The following DVL1 variants were observed in gnomAD, a reference collection of about 807,000 sequenced individuals.
DVL1 encodes segment polarity protein dishevelled homolog DVL-1.
A neutral mutation model predicts 65.0 loss-of-function variants in DVL1; 49 were observed. The observed-to-expected ratio is 0.75, with a 90% CI of 0.60 to 0.96. The LOEUF is 0.96. Ranked by LOEUF, DVL1 falls within the 40% of genes least tolerant of loss-of-function variation. The pLI is 0.00. For synonymous variants in DVL1, 608 were observed against 433.9 expected (o/e 1.40, Z -4.99); for missense variants, 1,197 against 1,045.4 (o/e 1.15, Z -2.00).
In DVL1 at chr1:1,335,944, G is replaced by T; in HGVS notation, c.*198C>A. On this transcript the variant is annotated 3_prime_UTR_variant, in exon 15 of 15. Coordinates refer to ENST00000378888, the MANE Select transcript of DVL1 (RefSeq NM_001330311.2). ...TCTCGCTGAGGGGCAGAGAGGGAGCGCCCCCAACACGGCTGCTCAGACACA... is the reference window on the plus strand; with the variant it reads ...TCTCGCTGAGGGGCAGAGAGGGAGCTCCCCCAACACGGCTGCTCAGACACA... 1.5e-6 allele frequency: 1 copy of T among 673,158 alleles called. No homozygotes were observed. The highest frequency in any genetic ancestry group is 2.5e-6 in the Non-Finnish European group (1 of 405,710). 41.7% of individuals were successfully genotyped at this position (673,158 alleles called of 1,614,324 possible). A position where few individuals can be genotyped will look rare whatever the true frequency, so the allele number is the denominator to read the frequency against.
intron 5 of DVL1, 61 bp from the exon 6 acceptor site, chr1:1,340,564 G>C: frequency 2.0e-6 from 3 of 1,511,870 alleles, no homozygotes; most frequent in South Asian, 2.4e-5. Flanking sequence ...GTGGGAACCC[G>C]CTCCCCCAAT....
At chr1:1,347,738 CA>C (rs1016334197) in intron 1 of DVL1, among the ~76,000 whole-genome samples, 3 of 152,220 alleles carry the variant, frequency 2.0e-5, no homozygotes, top group Admixed American at 1.3e-4. Flanking sequence ...ACTCAGAAAA[CA>C]AACCGCCCCC....
intron 1 of DVL1, among the ~76,000 whole-genome samples, chr1:1,343,653 T>C (rs1643879130): frequency 1.3e-5 from 2 of 152,114 alleles, no homozygotes; most frequent in African/African-American, 4.8e-5. Flanking sequence ...GGGCTTTGCC[T>C]GACCCCTGCC....
At position 1,335,939 on chromosome 1, in the gene DVL1, G is replaced by A. The variant is rs1340419817; in HGVS notation, c.*203C>T. On this transcript the variant is annotated 3_prime_UTR_variant, in exon 15 of 15. Transcript: ENST00000378888. ...GAGGCTCTCGCTGAGGGGCAGAGAG[G>A]GAGCGCCCCCAACACGGCTGCTCAG... 6.1e-6 allele frequency: 4 copies of A among 659,674 alleles called. No individual in the cohort carries two copies. Among genetic ancestry groups the A allele is most frequent in the African/African-American group, 5.5e-5 (3 of 54,504 alleles). The allele number at this position is 659,674 out of a possible 1,614,324, so 40.9% of individuals were successfully genotyped here.
chr1:1,341,306 GCA>G (rs1231330249), intron 5 of DVL1, among the ~76,000 whole-genome samples: 2 of 151,772 alleles, frequency 1.3e-5, no homozygotes, highest in Non-Finnish European at 2.9e-5. Flanking sequence ...ACACATACAT[GCA>G]CACACAGACA....
At chr1:1,344,232 A>C (rs1643886507) in intron 1 of DVL1, among the ~76,000 whole-genome samples, 1 of 152,180 alleles carries the variant, frequency 6.6e-6, no homozygotes, top group Non-Finnish European at 1.5e-5. Context: ...ACTTGGGCCC[A>C]GTGGAGAAAT....
chr1:1,341,865 G>A lies in DVL1; in HGVS notation c.467-60C>T, dbSNP rs187044992. On this transcript the variant is annotated intron_variant, in intron 4 of 14. Coordinates refer to ENST00000378888, the MANE Select transcript of DVL1 (RefSeq NM_001330311.2). ...GTCTCCCAGAGGTCATGGGTTTGGG[G>A]CTGCCTGGGCAGTGCTGCATGCCTG... 12 of 1,505,480 alleles carry A rather than the reference G, an allele frequency of 8.0e-6. No homozygotes were observed. The African/African-American group carries it at 9.6e-5, about 12-fold the overall frequency. 93.3% of individuals were successfully genotyped at this position (1,505,480 alleles called of 1,614,324 possible). A position where few individuals can be genotyped will look rare whatever the true frequency, so the allele number is the denominator to read the frequency against.
In DVL1 at chr1:1,342,054, C is replaced by A; in HGVS notation, c.465G>T (p.Glu155Asp). The A allele has an allele frequency of 6.4e-7, 1 of 1,574,106 alleles. No individual in the cohort carries two copies. Among genetic ancestry groups the A allele is most frequent in the East Asian group, 2.3e-5 (1 of 42,910 alleles). ...GCTGGGCAGACATGACCACTGTACC[C>A]TCCTCGCGGTTCCGGCGTCGGGCAC... is the stretch of plus-strand genomic sequence containing the variant. Reference protein sequence around the residue: ...RERARRRNREEAARTNGHPRG... With the variant: ...RERARRRNREDAARTNGHPRG... Residue 155 changes from glutamate to aspartate, a missense_variant and splice_region_variant, in exon 4 of 15, where the codon GAG becomes GAT. Coordinates refer to ENST00000378888, the MANE Select transcript of DVL1 (RefSeq NM_001330311.2).
chr1:1,336,644 T>C (rs370564150), intron 14 of DVL1, 129 bp from the exon 15 acceptor site: 9 of 1,266,436 alleles, frequency 7.1e-6, no homozygotes, highest in South Asian at 1.7e-5. Flanking sequence ...GGGGCAGCCA[T>C]GCAGGCGCGA....
intron 1 of DVL1, among the ~76,000 whole-genome samples, chr1:1,343,765 C>T (rs1425063576): frequency 2.0e-5 from 3 of 152,274 alleles, no homozygotes; most frequent in African/African-American, 7.2e-5. Flanking sequence ...AGAGGCCGCC[C>T]ACCACCCTCC....
rs765071635 is a variant in DVL1, at chr1:1,348,967, G to C, written c.99C>G (p.Phe33Leu). The change falls in exon 1 of 15, where the codon TTC becomes TTG. Residue 33 changes from phenylalanine to leucine, a missense_variant. By Grantham distance (22) the Phe-to-Leu change is conservative. Coordinates refer to ENST00000378888, the MANE Select transcript of DVL1 (RefSeq NM_001330311.2). The part of the protein sequence containing the change: ...VAPERVTLAD[F>L]KNVLSNRPVH... Reference sequence around the variant, plus strand: ...CGGGCCGGTTGCTGAGCACGTTCTTGAAGTCGGCCAGCGTGACGCGCTCGG... The same window carrying C: ...CGGGCCGGTTGCTGAGCACGTTCTTCAAGTCGGCCAGCGTGACGCGCTCGG... The C allele has an allele frequency of 1.3e-6, 2 of 1,575,886 alleles. No homozygotes were observed. Among genetic ancestry groups the C allele is most frequent in the Non-Finnish European group, 1.7e-6 (2 of 1,158,184 alleles).
rs1553172713 is a variant in DVL1 at position 1,335,707 on chromosome 1, T to TCCC, written c.*432_*434dup. 1.2e-5 allele frequency: 2 copies of TCCC among 173,830 alleles called. No homozygotes were observed. The highest frequency in any genetic ancestry group is 2.5e-5 in the Non-Finnish European group (2 of 81,158). The allele number at this position is 173,830 out of a possible 1,614,324, so 10.8% of individuals were successfully genotyped here. On this transcript the variant is annotated 3_prime_UTR_variant, in exon 15 of 15. Transcript: ENST00000378888. ...TGGGACAGATGACAGGGTCGCCTCC[T>TCCC]CCCCCGAGTCACCGGCCAGGCAATA...
Position 1,339,724 on chromosome 1 carries a change from C to T in DVL1, c.986+12G>A. 1 of 1,613,134 alleles carries T rather than the reference C, an allele frequency of 6.2e-7. No homozygotes were observed. Among genetic ancestry groups the T allele is most frequent in the Admixed American group, 1.7e-5 (1 of 60,012 alleles). On this transcript the variant is annotated intron_variant, in intron 9 of 14. Transcript: ENST00000378888. ...GCCTGGCCCCTCCCGCTCCAGCGCC[C>T]CCAGCCCTCACCCCGTCTGGGAAAC... is the stretch of plus-strand genomic sequence containing the variant.
At chr1:1,338,679 C>A in intron 11 of DVL1, 26 bp from the exon 12 acceptor site, 10 of 1,600,252 alleles carry the variant, frequency 6.2e-6, no homozygotes, top group Non-Finnish European at 8.5e-6. Flanking sequence ...AGCCCCGCTT[C>A]AGCCCCAGCA....
chr1:1,337,776 G>A (rs964100112), intron 14 of DVL1: 6 of 704,890 alleles, frequency 8.5e-6, no homozygotes, highest in Admixed American at 4.0e-5. Context: ...TTTTCCAGAA[G>A]GAGCCCACCC....
At chr1:1,340,858 C>T (rs1390631800) in intron 5 of DVL1, among the ~76,000 whole-genome samples, 1 of 148,392 alleles carries the variant, frequency 6.7e-6, no homozygotes, top group Non-Finnish European at 1.5e-5. Context: ...TGCACACATG[C>T]ACCCCTGCGC....
In DVL1 at chr1:1,336,409, C is replaced by G; in HGVS notation, c.1821G>C (p.Thr607=). The change falls in exon 15 of 15, where the codon ACG becomes ACC. Residue 607 remains threonine (T), a synonymous_variant. Coordinates refer to ENST00000378888, the MANE Select transcript of DVL1 (RefSeq NM_001330311.2). ...AGGSGSESDH[T]APSGVGSSWR... is the part of the protein sequence containing the mutation. ...AGCTGCTCCCCACCCCACTCGGTGC[C>G]GTGTGATCCGATTCACTGCCACTGC... The G allele has an allele frequency of 6.3e-7, 1 of 1,598,456 alleles. No homozygotes were observed. The highest frequency in any genetic ancestry group is 8.5e-7 in the Non-Finnish European group (1 of 1,178,090).
Position 1,339,647 on chromosome 1 carries a change from G to C in DVL1, c.989C>G (p.Pro330Arg), listed in dbSNP as rs1370084620. The C allele has an allele frequency of 6.2e-7, 1 of 1,610,974 alleles. No homozygotes were observed. The highest frequency in any genetic ancestry group is 8.5e-7 in the Non-Finnish European group (1 of 1,178,640). Residue 330 changes from proline (P) to arginine (R), a missense_variant and splice_region_variant, in exon 10 of 15, where the codon CCC becomes CGC. Coordinates refer to ENST00000378888, the MANE Select transcript of DVL1 (RefSeq NM_001330311.2). ...VLREIVSQTG[P>R]ISLTVAKCWD... ...GCACTTGGCCACAGTGAGGCTGATG[G>C]GCCTGCAGGAACGGTGGTCACACAG... is the stretch of plus-strand genomic sequence containing the variant.
At chr1:1,341,205 GCA>G (rs766939943) in intron 5 of DVL1, among the ~76,000 whole-genome samples, 48 of 150,164 alleles carry the variant, frequency 3.2e-4, no homozygotes, top group Admixed American at 7.9e-4. Flanking sequence ...ACGCACACCT[GCA>G]CACACGCACA....
Sources: allele counts gnomAD v4.1 joint callset (sites outside exome capture counted in the v4.1 genomes callset), GRCh38; gene constraint gnomAD v4.1.1; transcripts MANE v1.5; gene names NCBI Gene and HGNC (gene_info 2026-07-23, HGNC 2026-07-21).